The following SATL1 variants were observed in gnomAD, a reference collection of about 807,000 sequenced individuals.
The protein encoded by SATL1 is spermidine/spermine N1-acetyl transferase like 1, also known as spermidine/spermine N(1)-acetyltransferase-like protein 1.
A neutral mutation model predicts 51.8 loss-of-function variants in SATL1; 47 were observed. The ratio of observed to expected loss-of-function variants is 0.91; its 90% CI spans 0.72 to 1.16. The LOEUF (loss-of-function observed/expected upper bound fraction) is 1.16. Ranked by LOEUF, SATL1 falls within the 50% of genes most tolerant of loss-of-function variation. The pLI, the probability that SATL1 is intolerant of heterozygous loss-of-function variation, is 0.00. For synonymous variants in SATL1, 176 were observed against 182.4 expected (o/e 0.97, Z 0.28); for missense variants, 520 against 526.4 (o/e 0.99, Z 0.12).
intron 5 of SATL1, among the ~76,000 whole-genome samples, chrX:85,094,470 G>A (rs1160422814): frequency 1.8e-5 from 2 of 111,887 alleles, no homozygotes; most frequent in African/African-American, 6.5e-5. Context: ...TTAGCTGGGC[G>A]CAGTGGCTCA....
intron 2 of SATL1, among the ~76,000 whole-genome samples, chrX:85,176,649 T>C (rs1433878527): frequency 9.0e-6 from 1 of 111,272 alleles, no homozygotes; most frequent in East Asian, 2.8e-4. Context: ...AGAGAGGAAA[T>C]TAGAATATAT....
At chrX:85,129,432 A>G (rs1231222371) in intron 2 of SATL1, among the ~76,000 whole-genome samples, 1 of 111,491 alleles carries the variant, frequency 9.0e-6, no homozygotes, top group Non-Finnish European at 1.9e-5. Context: ...TTCACTCATG[A>G]TTTGGCTCTC....
chrX:85,175,156 G>T (rs1927059216), intron 2 of SATL1, among the ~76,000 whole-genome samples: 1 of 111,501 alleles, frequency 9.0e-6, no homozygotes, highest in Non-Finnish European at 1.9e-5. Context: ...AGTGAAATTT[G>T]TTGGGCCCCT....
chrX:85,233,607 C>T (rs747395227), intron 1 of SATL1, among the ~76,000 whole-genome samples: 23 of 111,762 alleles, frequency 2.1e-4, no homozygotes, highest in South Asian at 7.5e-4. Context: ...TTAAAAAGAA[C>T]GAAGCAGAAG....
intron 4 of SATL1, among the ~76,000 whole-genome samples, chrX:85,097,646 G>C (rs1924769299): frequency 8.9e-6 from 1 of 112,205 alleles, no homozygotes; most frequent in South Asian, 3.7e-4. Context: ...CCAGCCTAAT[G>C]TACGTTATTG....
chrX:85,189,395 G>A (rs772495541), intron 2 of SATL1, among the ~76,000 whole-genome samples: 14 of 111,545 alleles, frequency 1.3e-4, no homozygotes, highest in East Asian at 2.8e-4. Flanking sequence ...ATTTTGATGC[G>A]GCAATATGGT....
At chrX:85,162,821 C>G (rs1926752852) in intron 2 of SATL1, among the ~76,000 whole-genome samples, 1 of 110,987 alleles carries the variant, frequency 9.0e-6, no homozygotes, top group Non-Finnish European at 1.9e-5. Flanking sequence ...AGTTTTAATT[C>G]TTTTTATGTG....
chrX:85,205,879 A>G (rs1927782044), intron 2 of SATL1, among the ~76,000 whole-genome samples: 1 of 111,688 alleles, frequency 9.0e-6, no homozygotes. Flanking sequence ...GATGCCTTGA[A>G]CTACAGTGGT....
intron 2 of SATL1, among the ~76,000 whole-genome samples, chrX:85,204,267 G>A (rs964163276): frequency 9.0e-6 from 1 of 111,682 alleles, no homozygotes; most frequent in African/African-American, 3.3e-5. Context: ...TTCTCTGTGC[G>A]TCAAGTTGTT....
At chrX:85,195,994 A>G (rs1927552363) in intron 2 of SATL1, among the ~76,000 whole-genome samples, 1 of 110,059 alleles carries the variant, frequency 9.1e-6, no homozygotes, top group South Asian at 3.9e-4. Context: ...TTCAGCTCTT[A>G]ATGGAAGAAA....
rs143122752 is a variant in SATL1 at position 85,107,555 on chromosome X, T to A, written c.1414A>T (p.Ser472Cys). 4.8e-4 allele frequency: 578 copies of A among 1,210,907 alleles called. 2 individuals carry two copies. In the African/African-American group the frequency reaches 8.6e-3, roughly 18 times the overall value. The change falls in exon 3 of 8, where the codon AGC becomes TGC. Residue 472 changes from serine (S) to cysteine (C), a missense_variant. Coordinates refer to ENST00000644105, the MANE Select transcript of SATL1 (RefSeq NM_001367857.2). Reference sequence around the variant, plus strand: ...CCTGGTTGGCCCCTGCCTGGATGGCTCATGCCTGTTTGGTTCTTACTTGAT... The same window carrying A: ...CCTGGTTGGCCCCTGCCTGGATGGCACATGCCTGTTTGGTTCTTACTTGAT... Reference protein sequence around the residue: ...SQSSKNQTGMSHPGRGQPGIW... With the variant: ...SQSSKNQTGMCHPGRGQPGIW...
intron 2 of SATL1, among the ~76,000 whole-genome samples, chrX:85,110,123 A>T (rs183776644): frequency 2.9e-4 from 33 of 112,206 alleles, no homozygotes; most frequent in Admixed American, 2.2e-3. Flanking sequence ...CAACACTATT[A>T]TCCCCAATTC....
chrX:85,132,116 A>T (rs1385108500), intron 2 of SATL1, among the ~76,000 whole-genome samples: 1 of 110,440 alleles, frequency 9.1e-6, no homozygotes, highest in Non-Finnish European at 1.9e-5. Flanking sequence ...TGTATCTGAC[A>T]ATTATGTGTT....
At chrX:85,148,589 G>T (rs1475964875) in intron 2 of SATL1, among the ~76,000 whole-genome samples, 2 of 111,331 alleles carry the variant, frequency 1.8e-5, no homozygotes, top group Non-Finnish European at 3.8e-5. Flanking sequence ...CCCACAAAGG[G>T]AAGCCCATCA....
At chrX:85,101,950 T>C (rs1924903045) in intron 4 of SATL1, among the ~76,000 whole-genome samples, 1 of 110,280 alleles carries the variant, frequency 9.1e-6, no homozygotes, top group African/African-American at 3.3e-5. Context: ...TCCAGTCATA[T>C]GAGGTACCTA....
chrX:85,097,036 T>C (rs1209631300), intron 4 of SATL1, among the ~76,000 whole-genome samples: 7 of 111,960 alleles, frequency 6.3e-5, no homozygotes, highest in Non-Finnish European at 1.1e-4. Flanking sequence ...AGAGGTAGTA[T>C]TGTAATTATG....
chrX:85,192,475 A>G lies in SATL1; in HGVS notation c.-313+31730T>C, dbSNP rs138001011. Among the ~76,000 whole-genome samples the G allele has an allele frequency of 6.4e-3, 703 of 110,134 alleles. 5 individuals are homozygous for G. Among genetic ancestry groups the G allele is most frequent in the African/African-American group, 0.022 (669 of 30,268 alleles). On this transcript the variant is annotated intron_variant, in intron 2 of 7. Transcript: ENST00000644105. ...CCACAAACACTACCTACATTTTCAC[A>G]CTTTCCACATTTTACACATGTTCTT...
intron 2 of SATL1, among the ~76,000 whole-genome samples, chrX:85,182,346 A>G (rs1188801957): frequency 9.0e-6 from 1 of 111,467 alleles, no homozygotes; most frequent in African/African-American, 3.3e-5. Context: ...TGCACTATCT[A>G]TATTTCTATT....
At chrX:85,141,424 C>A (rs912206662) in intron 2 of SATL1, among the ~76,000 whole-genome samples, 1 of 111,873 alleles carries the variant, frequency 8.9e-6, no homozygotes, top group Non-Finnish European at 1.9e-5. Context: ...ATTAACTACA[C>A]CCATAGTATA....
Sources: allele counts gnomAD v4.1 joint callset (sites outside exome capture counted in the v4.1 genomes callset), GRCh38; gene constraint gnomAD v4.1.1; transcripts MANE v1.5; gene names NCBI Gene and HGNC (gene_info 2026-07-23, HGNC 2026-07-21).